MDGA2: variants seen among roughly 807,000 people sequenced by gnomAD.
MDGA2 encodes MAM domain-containing glycosylphosphatidylinositol anchor protein 2.
MDGA2 carries 40 observed loss-of-function variants against 117.8 expected under a neutral mutation model. The observed-to-expected ratio is 0.34, with a 90% CI of 0.26 to 0.44. The LOEUF (loss-of-function observed/expected upper bound fraction) is 0.44, where lower values mean the gene tolerates loss of function less well. MDGA2 is among the 20% of genes least tolerant of loss of function. The probability of loss-of-function intolerance (pLI) is 1.00; values close to 1 mark genes in which losing one functional copy is unlikely to be tolerated. For missense variants in MDGA2, 1,123 were observed against 1,250.6 expected (o/e 0.90, Z 1.54); for synonymous variants, 452 against 439.0 (o/e 1.03, Z -0.37).
At chr14:47,394,923 T>C (rs1891974068) in intron 1 of MDGA2, among the ~76,000 whole-genome samples, 1 of 151,988 alleles carries the variant, frequency 6.6e-6, no homozygotes, top group South Asian at 2.1e-4. Context: ...GAGGCTGAGG[T>C]GGGAAGATTA....
chr14:47,084,540 A>G (rs1023532369), intron 6 of MDGA2, among the ~76,000 whole-genome samples: 3 of 152,196 alleles, frequency 2.0e-5, no homozygotes, highest in South Asian at 2.1e-4. Flanking sequence ...ATAAAGTAAA[A>G]ATAAAAGTAA....
intron 1 of MDGA2, among the ~76,000 whole-genome samples, chr14:47,436,396 T>A (rs1438708775): frequency 1.3e-5 from 2 of 152,046 alleles, no homozygotes; most frequent in African/African-American, 2.4e-5. Flanking sequence ...TCTTTAGTAG[T>A]ACAGATAAGC....
chr14:47,023,902 G>A (rs1220024135), intron 8 of MDGA2, among the ~76,000 whole-genome samples: 1 of 151,960 alleles, frequency 6.6e-6, no homozygotes, highest in African/African-American at 2.4e-5. Flanking sequence ...TATAGAGTAA[G>A]GAAACAATAG....
chr14:46,971,474 A>G (rs1886260721), intron 8 of MDGA2, among the ~76,000 whole-genome samples: 1 of 152,132 alleles, frequency 6.6e-6, no homozygotes, highest in Non-Finnish European at 1.5e-5. Flanking sequence ...CAAATACCAC[A>G]TATTCTCTTT....
At chr14:47,143,604 C>T (rs1882814683) in intron 4 of MDGA2, among the ~76,000 whole-genome samples, 1 of 151,930 alleles carries the variant, frequency 6.6e-6, no homozygotes, top group Non-Finnish European at 1.5e-5. Flanking sequence ...ATTTCTAAAC[C>T]AAGTCAAAAA....
intron 4 of MDGA2, among the ~76,000 whole-genome samples, chr14:47,133,968 A>G (rs961441824): frequency 5.9e-5 from 9 of 152,042 alleles, no homozygotes; most frequent in African/African-American, 2.2e-4. Flanking sequence ...ACTTTAACCA[A>G]TATTTTTTTC....
At chr14:47,571,949 T>C (rs1467146583) in intron 1 of MDGA2, among the ~76,000 whole-genome samples, 1 of 152,160 alleles carries the variant, frequency 6.6e-6, no homozygotes, top group Non-Finnish European at 1.5e-5. Context: ...ACCTGAACAG[T>C]ACATTCTTAT....
intron 9 of MDGA2, among the ~76,000 whole-genome samples, chr14:46,923,803 TAAGA>T (rs973739805): frequency 6.6e-6 from 1 of 152,046 alleles, no homozygotes; most frequent in Non-Finnish European, 1.5e-5. Flanking sequence ...TATTCATTCA[TAAGA>T]AAGACACAGT....
chr14:47,277,427 C>T (rs1888342987), intron 2 of MDGA2, among the ~76,000 whole-genome samples: 1 of 152,150 alleles, frequency 6.6e-6, no homozygotes. Context: ...ACTAGCAATG[C>T]TCTAGCAGAT....
intron 6 of MDGA2, among the ~76,000 whole-genome samples, chr14:47,078,235 G>A (rs1890567653): frequency 6.6e-6 from 1 of 152,036 alleles, no homozygotes; most frequent in Non-Finnish European, 1.5e-5. Flanking sequence ...TAAAGATTCT[G>A]ATTCATCCTT....
At chr14:47,399,936 A>G (rs1433900879) in intron 1 of MDGA2, among the ~76,000 whole-genome samples, 4 of 152,118 alleles carry the variant, frequency 2.6e-5, no homozygotes, top group African/African-American at 9.7e-5. Context: ...CTGAGAATAT[A>G]TAATTAAGCA....
chr14:46,960,524 TG>T (rs1885753452), intron 8 of MDGA2: 2 of 152,088 alleles, frequency 1.3e-5, no homozygotes, highest in Non-Finnish European at 1.5e-5. Context: ...AATAGTGCTA[TG>T]TTTTCCTAAG....
intron 1 of MDGA2, among the ~76,000 whole-genome samples, chr14:47,322,440 T>C (rs1165525377): frequency 6.6e-6 from 1 of 152,176 alleles, no homozygotes; most frequent in Non-Finnish European, 1.5e-5. Flanking sequence ...ATCAGTGCTT[T>C]CTAGCAAGAA....
intron 4 of MDGA2, 139 bp from the exon 5 acceptor site, chr14:47,131,985 T>C (rs1270775403): frequency 5.1e-6 from 3 of 588,544 alleles, no homozygotes; most frequent in Non-Finnish European, 5.2e-6. Context: ...AAGGGAAATG[T>C]CCTATCTTTC....
At chr14:47,671,559 G>T (rs952185380) in intron 1 of MDGA2, among the ~76,000 whole-genome samples, 1 of 152,152 alleles carries the variant, frequency 6.6e-6, no homozygotes, top group Admixed American at 6.5e-5. Flanking sequence ...AAAATCATTT[G>T]TGTTTCCTCT....
intron 7 of MDGA2, among the ~76,000 whole-genome samples, chr14:47,045,182 A>G (rs1889212648): frequency 6.6e-6 from 1 of 152,218 alleles, no homozygotes; most frequent in Non-Finnish European, 1.5e-5. Flanking sequence ...CCAGTTGCAA[A>G]TAAACACAGG....
chr14:47,304,697 A>C (rs1188870258), intron 1 of MDGA2, among the ~76,000 whole-genome samples: 1 of 152,148 alleles, frequency 6.6e-6, no homozygotes, highest in African/African-American at 2.4e-5. Flanking sequence ...TCTCCCTATG[A>C]CATTTCATAG....
At chr14:47,154,700 C>T (rs982746376) in intron 3 of MDGA2, among the ~76,000 whole-genome samples, 2 of 152,188 alleles carry the variant, frequency 1.3e-5, no homozygotes, top group Non-Finnish European at 2.9e-5. Flanking sequence ...CACCTCCGGA[C>T]TTTAGGTAGT....
At chr14:47,129,658 A>G (rs1456233158) in intron 5 of MDGA2, among the ~76,000 whole-genome samples, 1 of 150,412 alleles carries the variant, frequency 6.6e-6, no homozygotes, top group African/African-American at 2.5e-5. Flanking sequence ...ATCCCGGAGG[A>G]ATCGCCACAC....
Sources: gnomAD v4.1 joint callset for allele counts (sites outside exome capture counted in the v4.1 genomes callset) on GRCh38, gnomAD v4.1.1 for gene constraint, MANE v1.5 for transcripts, NCBI Gene and HGNC (gene_info 2026-07-23, HGNC 2026-07-21) for gene names.